The following USP34 variants were observed in gnomAD, a reference collection of about 807,000 sequenced individuals.
The protein encoded by USP34 is ubiquitin carboxyl-terminal hydrolase 34.
Under a neutral mutation model 460.3 loss-of-function variants are expected in USP34, and 70 were observed. The ratio of observed to expected loss-of-function variants is 0.15; its 90% confidence interval spans 0.13 to 0.19. The LOEUF (loss-of-function observed/expected upper bound fraction) is 0.19. Ranked by LOEUF, USP34 falls within the 10% of genes least tolerant of loss-of-function variation. USP34 has a pLI of 1.00. For missense variants in USP34, 3,985 were observed against 4,236.2 expected, an observed-to-expected ratio of 0.94 and a Z score of 1.65; for synonymous variants, 1,647 against 1,405.3, an observed-to-expected ratio of 1.17 and a Z score of -3.85.
At chr2:61,316,683 G>C (rs1166310357) in intron 23 of USP34, among the ~76,000 whole-genome samples, 1 of 151,894 alleles carries the variant, frequency 6.6e-6, no homozygotes, top group Admixed American at 6.6e-5. Context: ...TCAGGAGCTC[G>C]AGACCAGCCC....
At chr2:61,425,065 G>C (rs927308188) in intron 1 of USP34, among the ~76,000 whole-genome samples, 1 of 152,074 alleles carries the variant, frequency 6.6e-6, no homozygotes, top group Non-Finnish European at 1.5e-5. Context: ...TGATCCACCT[G>C]CCTTGGCCTC....
Position 61,227,264 on chromosome 2 carries a change from A to G in USP34, c.7444-46T>C, listed in dbSNP as rs368176746. 395 of 1,554,408 alleles carry G rather than the reference A, an allele frequency of 2.5e-4. 6 individuals are homozygous for G. The South Asian group carries it at 4.1e-3, about 16-fold the overall frequency. On this transcript the variant is annotated intron_variant, in intron 61 of 79. Transcript: ENST00000398571. Reference sequence around the variant, plus strand: ...ATTTTAATACGGTAGTAGTTTTAATATCATTTTGAGAACAAATGACTTGTT... The same window carrying G: ...ATTTTAATACGGTAGTAGTTTTAATGTCATTTTGAGAACAAATGACTTGTT...
intron 27 of USP34, among the ~76,000 whole-genome samples, chr2:61,309,203 A>G (rs1430316343): frequency 6.6e-6 from 1 of 152,210 alleles, no homozygotes; most frequent in Non-Finnish European, 1.5e-5. Flanking sequence ...CTAATTTATC[A>G]TTTGGGTATG....
At chr2:61,236,002 A>C (rs1486453010) in intron 56 of USP34, 24 bp downstream of exon 56, 1 of 1,602,808 alleles carries the variant, frequency 6.2e-7, no homozygotes, top group African/African-American at 1.4e-5. Context: ...AATGACAAAA[A>C]AATCCATAGT....
At chr2:61,374,996 G>A (rs969775776) in intron 8 of USP34, among the ~76,000 whole-genome samples, 2 of 152,016 alleles carry the variant, frequency 1.3e-5, no homozygotes, top group African/African-American at 4.8e-5. Flanking sequence ...TACCCCATAC[G>A]ACAACAGCAG....
At chr2:61,322,564 G>A (rs892489895) in intron 21 of USP34, among the ~76,000 whole-genome samples, 1 of 152,190 alleles carries the variant, frequency 6.6e-6, no homozygotes, top group African/African-American at 2.4e-5. Flanking sequence ...CTGGGGTGGT[G>A]CCCTAGAACC....
chr2:61,208,539 T>G (rs961270935), intron 70 of USP34: 1 of 154,218 alleles, frequency 6.5e-6, no homozygotes, highest in Non-Finnish European at 1.4e-5. Flanking sequence ...TTCACAATGG[T>G]AACCTCAGTT....
chr2:61,344,773 A>G (rs1691713413), intron 15 of USP34, among the ~76,000 whole-genome samples: 2 of 152,198 alleles, frequency 1.3e-5, no homozygotes, highest in Non-Finnish European at 2.9e-5. Flanking sequence ...GTTTGTATCT[A>G]TAATGCAAGA....
At chr2:61,233,707 C>A (rs1687982020) in intron 57 of USP34, among the ~76,000 whole-genome samples, 1 of 151,876 alleles carries the variant, frequency 6.6e-6, no homozygotes, top group Admixed American at 6.6e-5. Context: ...TGCCTGTGGT[C>A]CCAGCTACTC....
intron 23 of USP34, among the ~76,000 whole-genome samples, chr2:61,317,411 C>A (rs558975892): frequency 6.6e-6 from 1 of 152,166 alleles, no homozygotes; most frequent in Non-Finnish European, 1.5e-5. Context: ...TCTGTAATCC[C>A]AGCTACTTCG....
chr2:61,345,062 C>A (rs1286655874), intron 15 of USP34, among the ~76,000 whole-genome samples: 1 of 152,132 alleles, frequency 6.6e-6, no homozygotes, highest in Admixed American at 6.5e-5. Context: ...CATTTGAGGT[C>A]AGCAGCTCAA....
chr2:61,324,312 C>T (rs1245083745), intron 21 of USP34, among the ~76,000 whole-genome samples: 1 of 152,194 alleles, frequency 6.6e-6, no homozygotes, highest in African/African-American at 2.4e-5. Flanking sequence ...AAAAAATTAA[C>T]TGTTAACGAA....
At chr2:61,415,465 G>A (rs372644083) in intron 2 of USP34, among the ~76,000 whole-genome samples, 1 of 152,154 alleles carries the variant, frequency 6.6e-6, no homozygotes, top group East Asian at 1.9e-4. Flanking sequence ...AAGAATTGAT[G>A]TAACTATACT....
At position 61,223,110 on chromosome 2, in the gene USP34, A is replaced by G. The variant is rs778498589; in HGVS notation, c.7699T>C (p.Cys2567Arg). Reference protein sequence around the residue: ...IRDGINIRQTCNLIFSLCRYN... With the variant: ...IRDGINIRQTRNLIFSLCRYN... Reference sequence around the variant, plus strand: ...CGACACAGGCTGAAAATCAGATTACAAGTTTGTCTTATATTGATGCCATCA... The same window carrying G: ...CGACACAGGCTGAAAATCAGATTACGAGTTTGTCTTATATTGATGCCATCA... The change falls in exon 64 of 80, where the codon TGT becomes CGT. Residue 2567 changes from cysteine (C) to arginine (R), a missense_variant. By Grantham distance (180) the Cys-to-Arg change is radical. This residue lies in a region of USP34 where 604 missense variants were observed against 684.8 expected (regional missense o/e 0.88). Transcript: ENST00000398571. The G allele has an allele frequency of 6.2e-7, 1 of 1,614,094 alleles. No individual in the cohort carries two copies. The highest frequency in any genetic ancestry group is 2.2e-5 in the East Asian group (1 of 44,876).
chr2:61,399,105 AAC>A (rs1693631999), intron 3 of USP34, among the ~76,000 whole-genome samples: 1 of 152,004 alleles, frequency 6.6e-6, no homozygotes. Context: ...CTGTAATCCC[AAC>A]ACTTTGAGAG....
intron 3 of USP34, among the ~76,000 whole-genome samples, chr2:61,399,043 T>A (rs1288600568): frequency 1.3e-5 from 2 of 152,148 alleles, no homozygotes; most frequent in Non-Finnish European, 2.9e-5. Flanking sequence ...TTCTAGTGCC[T>A]AACATGGGCA....
intron 76 of USP34, 140 bp from the exon 77 acceptor site, chr2:61,190,798 C>G (rs564885436): frequency 2.0e-6 from 2 of 1,013,716 alleles, no homozygotes; most frequent in South Asian, 2.0e-5. Context: ...AAAGCCATGT[C>G]TAACTCACCT....
chr2:61,222,773 T>C, intron 64 of USP34, 110 bp from the exon 65 acceptor site: 1 of 988,190 alleles, frequency 1.0e-6, no homozygotes, highest in Non-Finnish European at 1.5e-6. Context: ...CACAGCTCAC[T>C]GCAGCCTCCA....
At chr2:61,452,788 C>T (rs1299867287) in intron 1 of USP34, among the ~76,000 whole-genome samples, 20 of 150,710 alleles carry the variant, frequency 1.3e-4, no homozygotes, top group Non-Finnish European at 2.5e-4. Context: ...AGGAGGCTGA[C>T]ATAAGAGGAT....
Sources: allele counts gnomAD v4.1 joint callset (sites outside exome capture counted in the v4.1 genomes callset), GRCh38; gene constraint gnomAD v4.1.1; regional missense constraint gnomAD v4.1.1; transcripts MANE v1.5; gene names NCBI Gene and HGNC (gene_info 2026-07-23, HGNC 2026-07-21).